The following MIOS variants were observed in gnomAD, a reference collection of about 807,000 sequenced individuals.
The protein encoded by MIOS is meiosis regulator for oocyte development, also known as GATOR2 complex protein MIOS.
Under a neutral mutation model 96.9 loss-of-function variants are expected in MIOS, and 52 were observed. The observed-to-expected ratio is 0.54, with a 90% CI of 0.43 to 0.68. The LOEUF (loss-of-function observed/expected upper bound fraction) is 0.68. MIOS is among the 30% of genes least tolerant of loss of function. The pLI, the probability that MIOS is intolerant of heterozygous loss-of-function variation, is 0.00. For missense variants in MIOS, 1,005 were observed against 1,052.8 expected, an observed-to-expected ratio of 0.95 and a Z score of 0.63; for synonymous variants, 397 against 359.5, an observed-to-expected ratio of 1.10 and a Z score of -1.18.
chr7:7,600,077 C>G (rs928776744), intron 11 of MIOS, among the ~76,000 whole-genome samples: 133 of 152,114 alleles, frequency 8.7e-4, no homozygotes, highest in African/African-American at 3.2e-3. Flanking sequence ...TGTTTATTAC[C>G]TGGATGATGA....
intron 5 of MIOS, among the ~76,000 whole-genome samples, chr7:7,576,439 CCTAAT>C (rs1235026099): frequency 2.0e-5 from 3 of 152,102 alleles, no homozygotes; most frequent in Non-Finnish European, 4.4e-5. Context: ...AGGAAGGACT[CCTAAT>C]CTGGTTGCAG....
chr7:7,596,488 T>C lies in MIOS; in HGVS notation c.2401+27T>C, dbSNP rs537823389. ...TATGACATAATTTTACAAAATACTT[T>C]TATGAACTGAAATGATTCTTACATA... On this transcript the variant is annotated intron_variant, in intron 11 of 12. Transcript: ENST00000340080. The C allele has an allele frequency of 2.1e-5, 33 of 1,571,902 alleles. 1 individual carries two copies. Among genetic ancestry groups the C allele is most frequent in the Non-Finnish European group, 2.8e-5 (32 of 1,143,506 alleles).
Position 7,583,246 on chromosome 7 carries a change from G to A in MIOS, c.1522G>A (p.Val508Met), listed in dbSNP as rs373189182. The A allele has an allele frequency of 1.2e-5, 20 of 1,613,978 alleles. 1 individual carries two copies. Among genetic ancestry groups the A allele is most frequent in the South Asian group, 1.1e-4 (10 of 91,086 alleles). ...GWIKKGTDVD[V>M]GPFLNSLVQE... is the part of the protein sequence containing the mutation. The stretch of plus-strand genomic sequence containing the variant: ...GATAAAGAAAGGAACGGATGTAGAC[G>A]TGGGGCCATTTTTGAACTCCCTTGT... The change falls in exon 6 of 13, where the codon GTG becomes ATG. Residue 508 changes from valine to methionine, a missense_variant. This residue lies in a region of MIOS where 865 missense variants were observed against 887.9 expected (regional missense o/e 0.97). Coordinates refer to ENST00000340080, the MANE Select transcript of MIOS (RefSeq NM_019005.4).
chr7:7,572,637 G>A lies in MIOS; in HGVS notation c.162G>A (p.Leu54=). Residue 54 remains leucine, a synonymous_variant, in exon 4 of 13, where the codon CTG becomes CTA. Transcript: ENST00000340080. This position sits in a 1 kb window ranked among gnomAD's most constrained non-coding sequence, Gnocchi z 4.8. ...CTGAAGACTCTGCAGCTACATTACTGTCAATAAATTCAGATACACCCTATA... is the reference window on the plus strand; with the variant it reads ...CTGAAGACTCTGCAGCTACATTACTATCAATAAATTCAGATACACCCTATA... ...RLSEDSAATL[L]SINSDTPYMK... is the part of the protein sequence containing the mutation. 1 of 1,614,120 alleles carries A rather than the reference G, an allele frequency of 6.2e-7. No homozygotes were observed. The highest frequency in any genetic ancestry group is 8.5e-7 in the Non-Finnish European group (1 of 1,180,018).
In MIOS at chr7:7,607,054, A is replaced by G; in HGVS notation, c.2590A>G (p.Thr864Ala). The G allele has an allele frequency of 6.2e-7, 1 of 1,613,252 alleles. No homozygotes were observed. The highest frequency in any genetic ancestry group is 8.5e-7 in the Non-Finnish European group (1 of 1,179,478). ...GTGTAAATGTATGCAGTTGGATACA[A>G]CAGGGAATCTGGTACCTGCAGAGAC... ...CTCKCMQLDT[T>A]GNLVPAETVQ... The change falls in exon 13 of 13, where the codon ACA becomes GCA. Residue 864 changes from threonine to alanine, a missense_variant. By Grantham distance (58) the Thr-to-Ala change is moderately conservative. This residue lies in a region of MIOS where 865 missense variants were observed against 887.9 expected (regional missense o/e 0.97). Transcript: ENST00000340080.
chr7:7,589,714 C>A, intron 9 of MIOS, 151 bp downstream of exon 9: 1 of 757,784 alleles, frequency 1.3e-6, no homozygotes, highest in Non-Finnish European at 2.0e-6. Flanking sequence ...AAGACTTGTG[C>A]CTTATCTTAC....
At chr7:7,582,002 G>A (rs1317581248) in intron 5 of MIOS, among the ~76,000 whole-genome samples, 1 of 145,984 alleles carries the variant, frequency 6.9e-6, no homozygotes, top group African/African-American at 2.6e-5. Context: ...TTACACAAGA[G>A]TGTGGTTGGC....
Position 7,608,427 on chromosome 7 carries a change from G to C in MIOS, c.*1335G>C, listed in dbSNP as rs868726286. 1 of 152,020 alleles carries C rather than the reference G, an allele frequency of 6.6e-6. No homozygotes were observed. Among genetic ancestry groups the C allele is most frequent in the Non-Finnish European group, 1.5e-5 (1 of 67,968 alleles). 9.4% of individuals were successfully genotyped at this position (152,020 alleles called of 1,614,324 possible). A position where few individuals can be genotyped will look rare whatever the true frequency, so the allele number is the denominator to read the frequency against. On this transcript the variant is annotated 3_prime_UTR_variant, in exon 13 of 13. Transcript: ENST00000340080. ...AGGTGTAACCTAAATATTAAAAGTA[G>C]ATTAAATTTATTTTTTACCTTGAGT... is the stretch of plus-strand genomic sequence containing the variant.
At chr7:7,599,722 T>G (rs1375744830) in intron 11 of MIOS, among the ~76,000 whole-genome samples, 1 of 152,182 alleles carries the variant, frequency 6.6e-6, no homozygotes, top group Non-Finnish European at 1.5e-5. Flanking sequence ...AGCCTGAATA[T>G]GATCTTTAAA....
In MIOS at chr7:7,588,519, C is replaced by A; in HGVS notation, c.1840C>A (p.Arg614Ser). The A allele has an allele frequency of 1.3e-6, 2 of 1,591,432 alleles. No homozygotes were observed. The highest frequency in any genetic ancestry group is 1.7e-6 in the Non-Finnish European group (2 of 1,167,664). The change falls in exon 8 of 13, where the codon CGT (arginine) becomes AGT (serine). Residue 614 changes from arginine to serine, a missense_variant. Around this residue, in one of 3 missense-constraint regions of MIOS, gnomAD observed 865 missense variants for 887.9 expected, o/e 0.97. Coordinates refer to ENST00000340080, the MANE Select transcript of MIOS (RefSeq NM_019005.4). ...CCAGTATGAAAACAAAGTTGCAGTA[C>A]GTGACAGAGTGGCATTTGCTTGTAA... ...GVLYENKVAV[R>S]DRVAFACKFL...
intron 11 of MIOS, among the ~76,000 whole-genome samples, chr7:7,602,183 T>G (rs1035535232): frequency 6.6e-6 from 1 of 152,170 alleles, no homozygotes; most frequent in Non-Finnish European, 1.5e-5. Flanking sequence ...ATGCCCTCTC[T>G]CACCACTCCT....
At chr7:7,600,715 A>G (rs1784350896) in intron 11 of MIOS, among the ~76,000 whole-genome samples, 1 of 152,176 alleles carries the variant, frequency 6.6e-6, no homozygotes, top group African/African-American at 2.4e-5. Flanking sequence ...CACCAAGCGG[A>G]CCTAATAGAC....
At chr7:7,569,429 A>G (rs913627782) in intron 3 of MIOS, among the ~76,000 whole-genome samples, 2 of 152,242 alleles carry the variant, frequency 1.3e-5, no homozygotes, top group Non-Finnish European at 2.9e-5. Context: ...TGAAAGTATA[A>G]TAGCAGACAT....
intron 7 of MIOS, among the ~76,000 whole-genome samples, chr7:7,587,277 C>G (rs551366358): frequency 6.6e-6 from 1 of 152,192 alleles, no homozygotes; most frequent in South Asian, 2.1e-4. Context: ...GACTTGGCCT[C>G]CCAAAGTGCT....
rs759189810 is a variant in MIOS, at chr7:7,585,794, G to C, written c.1807G>C (p.Asp603His). Residue 603 changes from aspartate (D) to histidine (H), a missense_variant, in exon 7 of 13, where the codon GAT becomes CAT. Asp to His is a moderately conservative substitution (Grantham distance 81). This residue lies in a region of MIOS where 865 missense variants were observed against 887.9 expected (regional missense o/e 0.97). Transcript: ENST00000340080. Reference protein sequence around the residue: ...AFLTSETGSYDGVLYENKVAV... With the variant: ...AFLTSETGSYHGVLYENKVAV... ...TCTGACAAGTGAAACAGGATCTTAC[G>C]ATGGAGTTTTGGTAAGCTAACTTGT... The C allele has an allele frequency of 6.2e-7, 1 of 1,605,194 alleles. No homozygotes were observed.
intron 9 of MIOS, 103 bp from the exon 10 acceptor site, chr7:7,594,877 A>AT: frequency 1.3e-6 from 1 of 788,378 alleles, no homozygotes; most frequent in Non-Finnish European, 1.8e-6. Flanking sequence ...AAAAAAAAAA[A>AT]GGCCTATTTC....
chr7:7,591,294 T>TG (rs1483725883), intron 9 of MIOS, among the ~76,000 whole-genome samples: 2 of 129,390 alleles, frequency 1.5e-5, no homozygotes, highest in Non-Finnish European at 1.6e-5. Context: ...CATTTTTTGT[T>TG]GGGTTTTTTT....
chr7:7,588,911 G>T (rs974516732), intron 8 of MIOS, among the ~76,000 whole-genome samples: 3 of 152,122 alleles, frequency 2.0e-5, no homozygotes, highest in African/African-American at 7.2e-5. Context: ...AGGGGGAAAT[G>T]CATGTAAACA....
At position 7,607,146 on chromosome 7, in the gene MIOS, C is replaced by T; in HGVS notation, c.*54C>T. The T allele has an allele frequency of 7.4e-7, 1 of 1,353,674 alleles. No homozygotes were observed. Among genetic ancestry groups the T allele is most frequent in the Admixed American group, 2.1e-5 (1 of 48,068 alleles). 83.9% of individuals were successfully genotyped at this position (1,353,674 alleles called of 1,614,324 possible). On this transcript the variant is annotated 3_prime_UTR_variant, in exon 13 of 13. Transcript: ENST00000340080. ...AGTGTGGAGCTTTCTAGTAGGTGTC[C>T]TTCATAGCTCAGAAACATACCTCAG...
Sources: gnomAD v4.1 joint callset for allele counts (sites outside exome capture counted in the v4.1 genomes callset) on GRCh38, gnomAD v4.1.1 for gene constraint, gnomAD v4.1.1 regional missense constraint, Gnocchi (gnomAD v3.1) non-coding constraint, MANE v1.5 for transcripts, NCBI Gene and HGNC (gene_info 2026-07-23, HGNC 2026-07-21) for gene names.